ADAMTS12: variants seen among roughly 807,000 people sequenced by gnomAD.
The protein encoded by ADAMTS12 is A disintegrin and metalloproteinase with thrombospondin motifs 12.
ADAMTS12 carries 118 observed loss-of-function variants against 167.8 expected under a neutral mutation model. That is an observed-to-expected ratio of 0.70 (90% CI 0.61 to 0.82). The LOEUF is 0.82. ADAMTS12 is among the 40% of genes least tolerant of loss of function. The probability of loss-of-function intolerance (pLI) is 0.00; values close to 1 mark genes in which losing one functional copy is unlikely to be tolerated. For missense variants in ADAMTS12, 1,916 were observed against 1,998.8 expected, an observed-to-expected ratio of 0.96 and a Z score of 0.79; for synonymous variants, 704 against 716.9, an observed-to-expected ratio of 0.98 and a Z score of 0.29.
chr5:33,758,499 A>G (rs1745240928), intron 2 of ADAMTS12, among the ~76,000 whole-genome samples: 3 of 152,324 alleles, frequency 2.0e-5, no homozygotes, highest in Admixed American at 2.0e-4. Flanking sequence ...TCTCAGAAAA[A>G]CAACAGCAGT....
intron 2 of ADAMTS12, among the ~76,000 whole-genome samples, chr5:33,854,307 T>C (rs528188687): frequency 6.6e-6 from 1 of 152,308 alleles, no homozygotes; most frequent in African/African-American, 2.4e-5. Flanking sequence ...GAAATATTAA[T>C]CCATGAATAT....
rs935001489 is a variant in ADAMTS12, at chr5:33,752,791, C to A, written c.490-1243G>T. Among the ~76,000 whole-genome samples, 98 of 152,296 alleles carry A rather than the reference C, an allele frequency of 6.4e-4. 1 individual carries two copies. The highest frequency in any genetic ancestry group is 3.4e-3 in the Middle Eastern group (1 of 294). On this transcript the variant is annotated intron_variant, in intron 2 of 23. Transcript: ENST00000504830. Reference sequence around the variant, plus strand: ...CAGTAACTCAAGGCTCCCTGCTCTGCAGATGAGTCTGAAGACAAGCTGAGG... The same window carrying A: ...CAGTAACTCAAGGCTCCCTGCTCTGAAGATGAGTCTGAAGACAAGCTGAGG...
At chr5:33,736,712 T>C (rs1744388401) in intron 3 of ADAMTS12, among the ~76,000 whole-genome samples, 1 of 152,208 alleles carries the variant, frequency 6.6e-6, no homozygotes, top group Non-Finnish European at 1.5e-5. Flanking sequence ...ACACACATTA[T>C]GAAACATGTG....
At chr5:33,649,435 T>C (rs1032417231) in intron 8 of ADAMTS12, 119 bp downstream of exon 8, 4 of 1,257,494 alleles carry the variant, frequency 3.2e-6, no homozygotes, top group South Asian at 1.5e-5. Flanking sequence ...CACCCTGACA[T>C]GGTGGCCTGT....
Position 33,869,921 on chromosome 5 carries a change from A to G in ADAMTS12, c.489+11198T>C, listed in dbSNP as rs190506874. 6.6e-5 allele frequency among the ~76,000 whole-genome samples: 10 copies of G among 152,334 alleles called. No individual in the cohort carries two copies. In the East Asian group the frequency reaches 1.9e-3, roughly 29 times the overall value. ...ATCCCTATCTACAACTGCATAAGGT[A>G]GACACTCATAGAGTGGCCATTTTAG... On this transcript the variant is annotated intron_variant, in intron 2 of 23. Transcript: ENST00000504830.
At chr5:33,653,018 T>C (rs549384330) in intron 7 of ADAMTS12, among the ~76,000 whole-genome samples, 1 of 152,282 alleles carries the variant, frequency 6.6e-6, no homozygotes, top group East Asian at 1.9e-4. Flanking sequence ...TTTATTTCCT[T>C]TCCTTATCTT....
At chr5:33,697,165 A>G (rs1742811417) in intron 3 of ADAMTS12, among the ~76,000 whole-genome samples, 1 of 152,234 alleles carries the variant, frequency 6.6e-6, no homozygotes. Context: ...TTAATTAGGC[A>G]TAAGGTGGTG....
intron 2 of ADAMTS12, among the ~76,000 whole-genome samples, chr5:33,870,322 A>T (rs2111732098): frequency 6.6e-6 from 1 of 152,350 alleles, no homozygotes; most frequent in African/African-American, 2.4e-5. Flanking sequence ...TTGACTGGGG[A>T]AGTGATAAAT....
At chr5:33,611,278 C>G (rs988528410) in intron 16 of ADAMTS12, among the ~76,000 whole-genome samples, 3 of 151,288 alleles carry the variant, frequency 2.0e-5, no homozygotes, top group African/African-American at 7.3e-5. Context: ...CCTAGTTAAC[C>G]CTGGGGAAAA....
At chr5:33,679,970 A>C (rs1245015262) in intron 5 of ADAMTS12, among the ~76,000 whole-genome samples, 1 of 152,214 alleles carries the variant, frequency 6.6e-6, no homozygotes, top group Non-Finnish European at 1.5e-5. Flanking sequence ...TAAGGGCTGG[A>C]ATCATTGCTG....
rs1255077621 is a variant in ADAMTS12 at position 33,683,913 on chromosome 5, A to T, written c.777T>A (p.Ile259=). Residue 259 remains isoleucine, a synonymous_variant, in exon 4 of 24, where the codon ATT becomes ATA. Coordinates refer to ENST00000504830, the MANE Select transcript of ADAMTS12 (RefSeq NM_030955.4). ...ETLVVADTKM[I]EYHGSENVES... ...CCACATTCTCACTCCCATGGTATTCAATCATCTTTGTGTCGGCCACCACCA... is the reference window on the plus strand; with the variant it reads ...CCACATTCTCACTCCCATGGTATTCTATCATCTTTGTGTCGGCCACCACCA... 1.2e-6 allele frequency: 2 copies of T among 1,606,580 alleles called. No homozygotes were observed. Among genetic ancestry groups the T allele is most frequent in the Non-Finnish European group, 1.7e-6 (2 of 1,176,682 alleles).
intron 2 of ADAMTS12, among the ~76,000 whole-genome samples, chr5:33,754,160 T>A (rs1409783418): frequency 1.3e-5 from 2 of 152,074 alleles, no homozygotes; most frequent in Non-Finnish European, 2.9e-5. Flanking sequence ...TAGAAAAAAA[T>A]CACCCGTGGT....
At chr5:33,548,205 T>G (rs1422020461) in intron 21 of ADAMTS12, among the ~76,000 whole-genome samples, 1 of 152,228 alleles carries the variant, frequency 6.6e-6, no homozygotes, top group Non-Finnish European at 1.5e-5. Flanking sequence ...TCTTTCTCCT[T>G]AGTTCACTTT....
chr5:33,884,537 G>A (rs1221272284), intron 1 of ADAMTS12, among the ~76,000 whole-genome samples: 1 of 152,152 alleles, frequency 6.6e-6, no homozygotes, highest in African/African-American at 2.4e-5. Context: ...ATCTCTAGCT[G>A]TCCCTTCACT....
chr5:33,592,119 C>T (rs1001393209), intron 17 of ADAMTS12, among the ~76,000 whole-genome samples: 3 of 151,988 alleles, frequency 2.0e-5, no homozygotes, highest in Admixed American at 1.3e-4. Context: ...ATCCCAGCTA[C>T]TTGGGAGGCT....
intron 2 of ADAMTS12, among the ~76,000 whole-genome samples, chr5:33,863,966 A>G (rs1749718039): frequency 6.6e-6 from 1 of 152,218 alleles, no homozygotes; most frequent in Non-Finnish European, 1.5e-5. Context: ...AGGATTCCCT[A>G]TTTAACAAAT....
chr5:33,784,712 A>G (rs985019839), intron 2 of ADAMTS12, among the ~76,000 whole-genome samples: 1 of 152,088 alleles, frequency 6.6e-6, no homozygotes, highest in African/African-American at 2.4e-5. Context: ...ATAGTTAGAG[A>G]GCCATACCAT....
At chr5:33,799,760 T>C (rs1293826711) in intron 2 of ADAMTS12, among the ~76,000 whole-genome samples, 2 of 152,198 alleles carry the variant, frequency 1.3e-5, no homozygotes, top group East Asian at 1.9e-4. Flanking sequence ...AGCAGGATGG[T>C]AGAAGCTGGG....
intron 3 of ADAMTS12, among the ~76,000 whole-genome samples, chr5:33,732,817 G>C (rs960299863): frequency 6.6e-6 from 1 of 151,950 alleles, no homozygotes; most frequent in Non-Finnish European, 1.5e-5. Flanking sequence ...TAATCACACA[G>C]AGTTTTATAA....
Sources: gnomAD v4.1 joint callset for allele counts (sites outside exome capture counted in the v4.1 genomes callset) on GRCh38, gnomAD v4.1.1 for gene constraint, MANE v1.5 for transcripts, NCBI Gene and HGNC (gene_info 2026-07-23, HGNC 2026-07-21) for gene names.